The following IMMP2L variants were observed in gnomAD, a reference collection of about 807,000 sequenced individuals.
The protein encoded by IMMP2L is inner mitochondrial membrane peptidase subunit 2.
A neutral mutation model predicts 19.3 loss-of-function variants in IMMP2L; 18 were observed. That is an observed-to-expected ratio of 0.93 (90% CI 0.64 to 1.38). The LOEUF is 1.38. IMMP2L is among the 40% of genes most tolerant of loss of function. The pLI is 0.00. For synonymous variants in IMMP2L, 76 were observed against 73.0 expected, an observed-to-expected ratio of 1.04 and a Z score of -0.21; for missense variants, 233 against 218.2, an observed-to-expected ratio of 1.07 and a Z score of -0.43.
At chr7:111,058,496 A>G (rs1394231426) in intron 3 of IMMP2L, among the ~76,000 whole-genome samples, 1 of 152,222 alleles carries the variant, frequency 6.6e-6, no homozygotes, top group Non-Finnish European at 1.5e-5. Flanking sequence ...GGAACTCAGG[A>G]TAGAATCACA....
intron 3 of IMMP2L, among the ~76,000 whole-genome samples, chr7:111,181,648 T>C (rs1014701408): frequency 1.3e-5 from 2 of 152,014 alleles, no homozygotes; most frequent in Admixed American, 6.6e-5. Context: ...CTTTCCAATT[T>C]TGGAAGCAGA....
chr7:110,976,310 C>T (rs529281003), intron 3 of IMMP2L, among the ~76,000 whole-genome samples: 6 of 152,038 alleles, frequency 3.9e-5, no homozygotes, highest in Admixed American at 2.6e-4. Context: ...GAAGATATTG[C>T]TATTTAGTAT....
intron 5 of IMMP2L, among the ~76,000 whole-genome samples, chr7:110,699,616 C>A (rs901997772): frequency 5.3e-5 from 8 of 151,882 alleles, no homozygotes; most frequent in Non-Finnish European, 1.0e-4. Context: ...ACTAAAAATA[C>A]AAAAATTAGC....
intron 3 of IMMP2L, among the ~76,000 whole-genome samples, chr7:111,193,370 T>C (rs1268018169): frequency 6.6e-6 from 1 of 152,050 alleles, no homozygotes; most frequent in Non-Finnish European, 1.5e-5. Context: ...AATGGATAAA[T>C]AGATAAACAA....
chr7:111,198,281 C>T (rs746821557), intron 3 of IMMP2L, among the ~76,000 whole-genome samples: 3 of 152,146 alleles, frequency 2.0e-5, no homozygotes, highest in Non-Finnish European at 2.9e-5. Flanking sequence ...TCCAGATCTG[C>T]CCTTAGAATC....
intron 3 of IMMP2L, among the ~76,000 whole-genome samples, chr7:111,251,869 C>T (rs1587047416): frequency 1.3e-5 from 2 of 151,714 alleles, no homozygotes; most frequent in Non-Finnish European, 2.9e-5. Flanking sequence ...AAACTGCACA[C>T]CCCCCAGAAC....
At chr7:111,212,251 T>G (rs1811407788) in intron 3 of IMMP2L, among the ~76,000 whole-genome samples, 1 of 152,104 alleles carries the variant, frequency 6.6e-6, no homozygotes. Context: ...GAAGATTTAT[T>G]TTATAAAATA....
At chr7:110,928,095 G>A (rs186763651) in intron 4 of IMMP2L, among the ~76,000 whole-genome samples, 4 of 151,878 alleles carry the variant, frequency 2.6e-5, no homozygotes, top group Non-Finnish European at 1.5e-5. Flanking sequence ...CTACCAGAAC[G>A]AATGAAGTAG....
intron 3 of IMMP2L, among the ~76,000 whole-genome samples, chr7:111,026,718 A>C (rs1158672557): frequency 2.0e-5 from 3 of 152,178 alleles, no homozygotes; most frequent in African/African-American, 4.8e-5. Flanking sequence ...TATTACAGAA[A>C]GCAACATCTT....
At chr7:111,038,685 G>T (rs988986844) in intron 3 of IMMP2L, among the ~76,000 whole-genome samples, 4 of 152,014 alleles carry the variant, frequency 2.6e-5, no homozygotes, top group African/African-American at 9.7e-5. Flanking sequence ...GGAGTACATT[G>T]TTTCATATGT....
At chr7:110,937,461 A>C (rs1222908377) in intron 4 of IMMP2L, among the ~76,000 whole-genome samples, 1 of 152,176 alleles carries the variant, frequency 6.6e-6, no homozygotes, top group Non-Finnish European at 1.5e-5. Context: ...ATCTGAAGGC[A>C]GTTTCCGGGT....
intron 3 of IMMP2L, among the ~76,000 whole-genome samples, chr7:111,431,171 T>C (rs373496538): frequency 2.6e-5 from 4 of 151,998 alleles, no homozygotes; most frequent in African/African-American, 9.7e-5. Flanking sequence ...ATCTCAGTAA[T>C]AGGTATCATA....
At position 110,762,862 on chromosome 7, in the gene IMMP2L, C is replaced by T. The variant is rs562628542; in HGVS notation, c.409-99141G>A. 9.9e-5 allele frequency among the ~76,000 whole-genome samples: 15 copies of T among 152,240 alleles called. No homozygotes were observed. The East Asian group carries it at 1.2e-3, about 12-fold the overall frequency. On this transcript the variant is annotated intron_variant, in intron 5 of 5. Transcript: ENST00000405709. Reference sequence around the variant, plus strand: ...GAGCAAGAGCAAGGGCAACCATAAACATATACTCCACCCTGCATTTGTTTT... The same window carrying T: ...GAGCAAGAGCAAGGGCAACCATAAATATATACTCCACCCTGCATTTGTTTT...
chr7:111,540,530 G>A (rs1025951819), intron 1 of IMMP2L, among the ~76,000 whole-genome samples: 3 of 151,640 alleles, frequency 2.0e-5, no homozygotes, highest in Admixed American at 6.6e-5. Context: ...TTTCATCTCT[G>A]GGAAACCCTA....
intron 5 of IMMP2L, among the ~76,000 whole-genome samples, chr7:110,866,524 T>C (rs1807997272): frequency 6.6e-6 from 1 of 151,968 alleles, no homozygotes; most frequent in East Asian, 1.9e-4. Flanking sequence ...TCACTCTTGG[T>C]AGCACATCAG....
At position 111,422,530 on chromosome 7, in the gene IMMP2L, G is replaced by C. The variant is rs564104968; in HGVS notation, c.239+64708C>G. ...TGATTTGGCTCTCTGTTTGTTAATGGGGTATAGAAATGCTTGTGATTTTTG... is the reference window on the plus strand; with the variant it reads ...TGATTTGGCTCTCTGTTTGTTAATGCGGTATAGAAATGCTTGTGATTTTTG... On this transcript the variant is annotated intron_variant, in intron 3 of 5. Coordinates refer to ENST00000405709, the MANE Select transcript of IMMP2L (RefSeq NM_032549.4). 8.6e-5 allele frequency among the ~76,000 whole-genome samples: 13 copies of C among 151,724 alleles called. No homozygotes were observed. The South Asian group carries it at 2.7e-3, about 31-fold the overall frequency.
intron 3 of IMMP2L, among the ~76,000 whole-genome samples, chr7:111,214,742 T>G (rs1343840221): frequency 6.6e-6 from 1 of 150,702 alleles, no homozygotes; most frequent in African/African-American, 2.4e-5. Flanking sequence ...TTAAACAAAC[T>G]CTAGTACATA....
At chr7:111,106,840 C>A (rs1265352209) in intron 3 of IMMP2L, among the ~76,000 whole-genome samples, 1 of 150,932 alleles carries the variant, frequency 6.6e-6, no homozygotes, top group Non-Finnish European at 1.5e-5. Flanking sequence ...TTCCACTGTT[C>A]TCAATTTAAA....
intron 5 of IMMP2L, among the ~76,000 whole-genome samples, chr7:110,751,316 TGAC>T (rs1012384373): frequency 2.0e-5 from 3 of 152,028 alleles, no homozygotes; most frequent in Non-Finnish European, 4.4e-5. Context: ...AAAAATATCA[TGAC>T]AATACTCCTT....
Sources: allele counts gnomAD v4.1 joint callset (sites outside exome capture counted in the v4.1 genomes callset), GRCh38; gene constraint gnomAD v4.1.1; transcripts MANE v1.5; gene names NCBI Gene and HGNC (gene_info 2026-07-23, HGNC 2026-07-21).